CACNA1E: variants seen among roughly 807,000 people sequenced by gnomAD.
CACNA1E encodes the protein voltage-dependent R-type calcium channel subunit alpha-1E.
A neutral mutation model predicts 259.2 loss-of-function variants in CACNA1E; 40 were observed. The ratio of observed to expected loss-of-function variants is 0.15; its 90% CI spans 0.12 to 0.20. The LOEUF (loss-of-function observed/expected upper bound fraction) is 0.20. Ranked by LOEUF, CACNA1E falls within the 10% of genes least tolerant of loss-of-function variation. The probability of loss-of-function intolerance (pLI) is 1.00; values close to 1 mark genes in which losing one functional copy is unlikely to be tolerated. For missense variants in CACNA1E, 1,874 were observed against 3,040.1 expected (o/e 0.62, Z 9.02); for synonymous variants, 1,104 against 1,138.5 (o/e 0.97, Z 0.61).
chr1:181,490,966 G>T lies in CACNA1E; in HGVS notation c.266+6956G>T, dbSNP rs568164274. ...TCCAGAGCGGAGGCTCTGAAAACCAGCACTAGGAGGAAAATTAATACTCTC... is the reference window on the plus strand; with the variant it reads ...TCCAGAGCGGAGGCTCTGAAAACCATCACTAGGAGGAAAATTAATACTCTC... On this transcript the variant is annotated intron_variant, in intron 1 of 47. Coordinates refer to ENST00000367573, the MANE Select transcript of CACNA1E (RefSeq NM_001205293.3). Among the ~76,000 whole-genome samples the T allele has an allele frequency of 3.9e-5, 6 of 152,332 alleles. No individual in the cohort carries two copies. In the South Asian group the frequency reaches 1.2e-3, roughly 32 times the overall value.
chr1:181,564,355 A>G (rs1353341524), intron 3 of CACNA1E, among the ~76,000 whole-genome samples: 2 of 152,202 alleles, frequency 1.3e-5, no homozygotes, highest in Non-Finnish European at 2.9e-5. Context: ...CTTCATCAGG[A>G]GTAGATTTTA....
In CACNA1E at chr1:181,472,722, C is replaced by T. The variant is rs111721377; in HGVS notation, c.435-11022C>T. ...TCTTCAGGTTTTAGATGCACGCGTG[C>T]GTGTGTGTGCGCGCGCACTTGAGGT... On this transcript the variant is annotated intron_variant, in intron 2 of 11. Coordinates refer to the CACNA1E transcript ENST00000524607. 1.6e-4 allele frequency among the ~76,000 whole-genome samples: 25 copies of T among 152,246 alleles called. No homozygotes were observed. The South Asian group carries it at 4.2e-3, about 25-fold the overall frequency.
chr1:181,371,344 C>T (rs1174922024), intron 1 of CACNA1E, among the ~76,000 whole-genome samples: 2 of 152,260 alleles, frequency 1.3e-5, no homozygotes, highest in South Asian at 4.2e-4. Context: ...TCACTGCAGC[C>T]TCCATCTTCC....
At chr1:181,522,559 A>G (rs751130159) in intron 3 of CACNA1E, among the ~76,000 whole-genome samples, 4 of 152,210 alleles carry the variant, frequency 2.6e-5, no homozygotes, top group Admixed American at 1.3e-4. Flanking sequence ...CCCAAAGCCC[A>G]TGACACATCA....
chr1:181,360,807 A>C (rs542917706), intron 1 of CACNA1E, among the ~76,000 whole-genome samples: 31 of 152,248 alleles, frequency 2.0e-4, no homozygotes, highest in African/African-American at 6.3e-4. Context: ...TTTACAAAAT[A>C]TTTCTGGACA....
At chr1:181,332,034 A>T (rs191390988) in intron 1 of CACNA1E, among the ~76,000 whole-genome samples, 3 of 152,384 alleles carry the variant, frequency 2.0e-5, no homozygotes, top group African/African-American at 7.2e-5. Flanking sequence ...CTATGCAGCC[A>T]TAAAAAGGAC....
chr1:181,338,765 C>A (rs535883436), intron 1 of CACNA1E, among the ~76,000 whole-genome samples: 1 of 152,126 alleles, frequency 6.6e-6, no homozygotes, highest in South Asian at 2.1e-4. Flanking sequence ...TCCCTTATTT[C>A]TTTTTTCCCA....
chr1:181,355,801 T>A (rs1242976606), intron 1 of CACNA1E, among the ~76,000 whole-genome samples: 1 of 152,166 alleles, frequency 6.6e-6, no homozygotes, highest in African/African-American at 2.4e-5. Context: ...ACAGGGGATG[T>A]TAAAGCTGAA....
chr1:181,341,918 T>G (rs1652181723), intron 1 of CACNA1E, among the ~76,000 whole-genome samples: 1 of 151,706 alleles, frequency 6.6e-6, no homozygotes, highest in Non-Finnish European at 1.5e-5. Context: ...AAGATAAAGG[T>G]GGGAGGAGAT....
At chr1:181,318,730 G>C (rs1191175925) in intron 1 of CACNA1E, among the ~76,000 whole-genome samples, 1 of 152,216 alleles carries the variant, frequency 6.6e-6, no homozygotes, top group African/African-American at 2.4e-5. Context: ...GCCTTTGGAG[G>C]CGACTCGGGA....
Position 181,750,496 on chromosome 1 carries a change from G to A in CACNA1E, c.3731+9G>A, listed in dbSNP as rs752380422. 3.7e-6 allele frequency: 6 copies of A among 1,612,366 alleles called. No homozygotes were observed. In the Admixed American group the frequency reaches 1.0e-4, roughly 27 times the overall value. ...CATAGGAACGCTTTGGGGTAAATAT[G>A]TTCGATTATCTTTGAAGTAAACGAT... On this transcript the variant is annotated intron_variant, in intron 26 of 47. Coordinates refer to ENST00000367573, the MANE Select transcript of CACNA1E (RefSeq NM_001205293.3).
At chr1:181,626,235 G>A (rs1056832496) in intron 6 of CACNA1E, among the ~76,000 whole-genome samples, 5 of 152,178 alleles carry the variant, frequency 3.3e-5, no homozygotes, top group Non-Finnish European at 7.4e-5. Context: ...GCGAGCATGT[G>A]CTGTTGGAAA....
chr1:181,703,674 C>T (rs1021939716), intron 7 of CACNA1E, among the ~76,000 whole-genome samples: 5 of 152,198 alleles, frequency 3.3e-5, no homozygotes, highest in Non-Finnish European at 7.3e-5. Flanking sequence ...GTTCTCATAA[C>T]TGAAATGTCA....
At chr1:181,522,320 C>A (rs955744769) in intron 3 of CACNA1E, among the ~76,000 whole-genome samples, 13 of 152,120 alleles carry the variant, frequency 8.5e-5, no homozygotes, top group Admixed American at 2.6e-4. Context: ...TAGTCCCTGG[C>A]CCTCTGAGAT....
intron 2 of CACNA1E, among the ~76,000 whole-genome samples, chr1:181,452,344 A>C (rs1046307697): frequency 3.9e-5 from 6 of 152,224 alleles, no homozygotes; most frequent in African/African-American, 1.4e-4. Flanking sequence ...TGCAGAGATA[A>C]GGAAGTGAGG....
intron 7 of CACNA1E, among the ~76,000 whole-genome samples, chr1:181,706,159 A>G (rs1652777168): frequency 6.6e-6 from 1 of 151,860 alleles, no homozygotes; most frequent in African/African-American, 2.4e-5. Context: ...CCCCTTTTAC[A>G]TTTTCTATGC....
intron 6 of CACNA1E, among the ~76,000 whole-genome samples, chr1:181,622,911 GC>G (rs2103178431): frequency 6.6e-6 from 1 of 152,302 alleles, no homozygotes; most frequent in East Asian, 1.9e-4. Context: ...ATGCTTAGGA[GC>G]TTTTTCTGGG....
At chr1:181,320,206 G>A (rs1210092469) in intron 1 of CACNA1E, among the ~76,000 whole-genome samples, 1 of 152,218 alleles carries the variant, frequency 6.6e-6, no homozygotes. Context: ...GGATGTGTGT[G>A]TTGAGTGTGA....
chr1:181,428,795 C>G (rs1258166953), intron 2 of CACNA1E, among the ~76,000 whole-genome samples: 1 of 152,144 alleles, frequency 6.6e-6, no homozygotes, highest in Non-Finnish European at 1.5e-5. Context: ...TAACCCATGG[C>G]CCTCTTTCAT....
Sources: allele counts gnomAD v4.1 joint callset (sites outside exome capture counted in the v4.1 genomes callset), GRCh38; gene constraint gnomAD v4.1.1; transcripts MANE v1.5; gene names NCBI Gene and HGNC (gene_info 2026-07-23, HGNC 2026-07-21).